FGF21: variants seen among roughly 807,000 people sequenced by gnomAD.
FGF21 encodes the protein fibroblast growth factor 21.
Under a neutral mutation model 13.4 loss-of-function variants are expected in FGF21, and 13 were observed. The observed-to-expected ratio is 0.97, with a 90% CI of 0.63 to 1.54. FGF21 has a LOEUF of 1.54. Among genes scored for constraint, FGF21 ranks in the 40% most tolerant of loss-of-function variants. The pLI is 0.00. For synonymous variants in FGF21, 124 were observed against 123.6 expected (o/e 1.00, Z -0.02); for missense variants, 303 against 272.4 (o/e 1.11, Z -0.79).
intron 2 of FGF21, among the ~76,000 whole-genome samples, 161 bp downstream of exon 2, chr19:48,756,632 G>T (rs1256035824): frequency 7.4e-6 from 1 of 135,398 alleles, no homozygotes; most frequent in Admixed American, 7.5e-5. Context: ...CTGGGGATCT[G>T]GGCCCCTGGG....
At position 48,756,417 on chromosome 19, in the gene FGF21, CT is replaced by C; in HGVS notation, c.182del (p.Leu61ArgfsTer23). On this transcript the variant is annotated frameshift_variant, in exon 2 of 4. Transcript: ENST00000593756. LOFTEE classifies it high-confidence loss of function. ...TDDAQQTEAH[L>X]EIREDGTVGG... ...TGATGCCCAGCAGACAGAAGCCCAC[CT>C]GGAGATCAGGGAGGATGGGACGGTG... 6.2e-7 allele frequency: 1 copy of C among 1,613,866 alleles called. No homozygotes were observed. The highest frequency in any genetic ancestry group is 1.3e-5 in the African/African-American group (1 of 75,046).
rs3745711 is a variant in FGF21 at position 48,757,016 on chromosome 19, C to T, written c.326C>T (p.Ala109Val). Residue 109 changes from alanine to valine, a missense_variant, in exon 3 of 4, where the codon GCC becomes GTC. Ala to Val is a moderately conservative substitution (Grantham distance 64). Transcript: ENST00000593756. ...SRFLCQRPDG[A>V]LYGSLHFDPE... The stretch of plus-strand genomic sequence containing the variant: ...TTCCTGTGCCAGCGGCCAGATGGGG[C>T]CCTGTATGGATCGGTGAGTTTCCAG... 75 of 1,613,570 alleles carry T rather than the reference C, an allele frequency of 4.6e-5. No individual in the cohort carries two copies. Among genetic ancestry groups the T allele is most frequent in the Non-Finnish European group, 5.9e-5 (70 of 1,179,630 alleles).
In FGF21 at chr19:48,758,143, C is replaced by T. The variant is rs750659131; in HGVS notation, c.553C>T (p.Pro185Ser). ...GCCACCCGGAATCCTGGCCCCCCAG[C>T]CCCCCGATGTGGGCTCCTCGGACCC... ...PEPPGILAPQ[P>S]PDVGSSDPLS... Residue 185 changes from proline (P) to serine (S), a missense_variant, in exon 4 of 4, where the codon CCC becomes TCC. Pro to Ser is a moderately conservative substitution (Grantham distance 74). Transcript: ENST00000593756. The T allele has an allele frequency of 1.2e-6, 2 of 1,611,272 alleles. No individual in the cohort carries two copies. Among genetic ancestry groups the T allele is most frequent in the East Asian group, 2.2e-5 (1 of 44,778 alleles).
chr19:48,757,921 G>C lies in FGF21; in HGVS notation c.340-9G>C. 1 of 1,530,704 alleles carries C rather than the reference G, an allele frequency of 6.5e-7. No homozygotes were observed. The highest frequency in any genetic ancestry group is 2.3e-5 in the East Asian group (1 of 43,210). The allele number at this position is 1,530,704 out of a possible 1,614,324, so 94.8% of individuals were successfully genotyped here. ...GAACCCTGTCTCTGATCCTGTTTTTGTCCCCTAGCTCCACTTTGACCCTGA... is the reference window on the plus strand; with the variant it reads ...GAACCCTGTCTCTGATCCTGTTTTTCTCCCCTAGCTCCACTTTGACCCTGA... On this transcript the variant is annotated splice_polypyrimidine_tract_variant and intron_variant, in intron 3 of 3. Transcript: ENST00000593756.
chr19:48,756,885 G>A (rs192567122), intron 2 of FGF21, 41 bp from the exon 3 acceptor site: 66 of 1,492,412 alleles, frequency 4.4e-5, no homozygotes, highest in Non-Finnish European at 6.0e-5. Flanking sequence ...AGTCCCGGGT[G>A]GGAGAGGTCC....
At chr19:48,756,764 G>A (rs888129075) in intron 2 of FGF21, among the ~76,000 whole-genome samples, 162 bp from the exon 3 acceptor site, 2 of 152,000 alleles carry the variant, frequency 1.3e-5, no homozygotes, top group African/African-American at 4.8e-5. Context: ...TGAGTTGGGA[G>A]GGGGCTTTGG....
rs1217723142 is a variant in FGF21 at position 48,756,242 on chromosome 19, C to T, written c.6C>T (p.Asp2=). 1.9e-6 allele frequency: 3 copies of T among 1,613,018 alleles called. No homozygotes were observed. The highest frequency in any genetic ancestry group is 1.7e-5 in the Admixed American group (1 of 59,982). M[D]SDETGFEHSG... is the part of the protein sequence containing the mutation. Reference sequence around the variant, plus strand: ...CCTGAGGACCCGAGCCATTGATGGACTCGGACGAGACCGGGTTCGAGCACT... The same window carrying T: ...CCTGAGGACCCGAGCCATTGATGGATTCGGACGAGACCGGGTTCGAGCACT... The change falls in exon 2 of 4, where the codon GAC becomes GAT. Residue 2 remains aspartate (D), a synonymous_variant. Transcript: ENST00000593756.
chr19:48,758,110 C>A lies in FGF21; in HGVS notation c.520C>A (p.Leu174Ile). Residue 174 changes from leucine to isoleucine, a missense_variant, in exon 4 of 4, where the codon CTC becomes ATC. Physicochemically the swap from Leu to Ile is conservative, Grantham distance 5. Transcript: ENST00000593756. ...FLPLPGLPPA[L>I]PEPPGILAPQ... ...GCCACTACCAGGCCTGCCCCCCGCACTCCCGGAGCCACCCGGAATCCTGGC... is the reference window on the plus strand; with the variant it reads ...GCCACTACCAGGCCTGCCCCCCGCAATCCCGGAGCCACCCGGAATCCTGGC... 1 of 1,610,882 alleles carries A rather than the reference C, an allele frequency of 6.2e-7. No homozygotes were observed. Among genetic ancestry groups the A allele is most frequent in the Non-Finnish European group, 8.5e-7 (1 of 1,179,008 alleles).
In FGF21 at chr19:48,758,174, G is replaced by C; in HGVS notation, c.584G>C (p.Ser195Thr). The C allele has an allele frequency of 6.2e-7, 1 of 1,612,586 alleles. No homozygotes were observed. The highest frequency in any genetic ancestry group is 8.5e-7 in the Non-Finnish European group (1 of 1,179,818). ...GATGTGGGCTCCTCGGACCCTCTGA[G>C]CATGGTGGGACCTTCCCAGGGCCGA... is the stretch of plus-strand genomic sequence containing the variant. Reference protein sequence around the residue: ...PPDVGSSDPLSMVGPSQGRSP... With the variant: ...PPDVGSSDPLTMVGPSQGRSP... The change falls in exon 4 of 4, where the codon AGC becomes ACC. Residue 195 changes from serine (S) to threonine (T), a missense_variant. Ser to Thr is a moderately conservative substitution (Grantham distance 58). Coordinates refer to ENST00000593756, the MANE Select transcript of FGF21 (RefSeq NM_019113.4).
chr19:48,756,663 G>A (rs1209086942), intron 2 of FGF21, among the ~76,000 whole-genome samples, 192 bp downstream of exon 2: 3 of 150,154 alleles, frequency 2.0e-5, no homozygotes, highest in Non-Finnish European at 3.0e-5. Context: ...GAGGGGCTGG[G>A]TCTGGACCCC....
In FGF21 at chr19:48,758,103, C is replaced by A; in HGVS notation, c.513C>A (p.Pro171=). Residue 171 remains proline, a synonymous_variant, in exon 4 of 4, where the codon CCC becomes CCA. Transcript: ENST00000593756. ...PARFLPLPGL[P]PALPEPPGIL... The stretch of plus-strand genomic sequence containing the variant: ...GCTTCCTGCCACTACCAGGCCTGCC[C>A]CCCGCACTCCCGGAGCCACCCGGAA... The A allele has an allele frequency of 6.2e-7, 1 of 1,611,504 alleles. No individual in the cohort carries two copies. The highest frequency in any genetic ancestry group is 2.2e-5 in the East Asian group (1 of 44,806).
rs928360610 is a variant in FGF21 at position 48,755,572 on chromosome 19, C to G, written c.-559C>G. The G allele has an allele frequency of 6.6e-6, 1 of 152,246 alleles. No homozygotes were observed. The highest frequency in any genetic ancestry group is 1.5e-5 in the Non-Finnish European group (1 of 68,096). The allele number at this position is 152,246 out of a possible 1,614,324, so 9.4% of individuals were successfully genotyped here. A position where few individuals can be genotyped will look rare whatever the true frequency, so the allele number is the denominator to read the frequency against. ...ACGGCCAGGTGAGAGGCTTCCAAGG[C>G]AGGATACTTGTGTCTCAGATGCGGT... On this transcript the variant is annotated 5_prime_UTR_variant, in exon 1 of 4. Coordinates refer to ENST00000593756, the MANE Select transcript of FGF21 (RefSeq NM_019113.4).
intron 3 of FGF21, among the ~76,000 whole-genome samples, chr19:48,757,612 G>GA: frequency 8.0e-6 from 1 of 125,412 alleles, no homozygotes; most frequent in Non-Finnish European, 1.8e-5. Flanking sequence ...TGGGGGCCTG[G>GA]ACCCCTGGGT....
At chr19:48,756,824 T>TC in intron 2 of FGF21, 102 bp from the exon 3 acceptor site, 1 of 938,336 alleles carries the variant, frequency 1.1e-6, no homozygotes, top group South Asian at 1.5e-5. Context: ...GGGCTTGGAC[T>TC]CCCAGGGCTG....
At chr19:48,756,795 G>A in intron 2 of FGF21, 131 bp from the exon 3 acceptor site, 2 of 771,864 alleles carry the variant, frequency 2.6e-6, no homozygotes, top group Non-Finnish European at 4.4e-6. Flanking sequence ...TCCTGGGTCT[G>A]AGGGAGGAGG....
At chr19:48,757,103 G>T in intron 3 of FGF21, 74 bp downstream of exon 3, 2 of 1,140,950 alleles carry the variant, frequency 1.8e-6, no homozygotes, top group Admixed American at 3.7e-5. Flanking sequence ...GGGGTGCCTT[G>T]TCTTGCTCAT....
At chr19:48,757,332 C>T (rs2122579030) in intron 3 of FGF21, among the ~76,000 whole-genome samples, 1 of 152,284 alleles carries the variant, frequency 6.6e-6, no homozygotes, top group South Asian at 2.1e-4. Context: ...CCCACACGGC[C>T]CCTGTGTGCA....
In FGF21 at chr19:48,756,452, T is replaced by G. The variant is rs143762785; in HGVS notation, c.216T>G (p.Ala72=). Residue 72 remains alanine (A), a synonymous_variant, in exon 2 of 4, where the codon GCT becomes GCG. Transcript: ENST00000593756. ...GGGAGGATGGGACGGTGGGGGGCGC[T>G]GCTGACCAGAGCCCCGAAAGTGAGT... ...EIREDGTVGG[A]ADQSPESLLQ... 1 of 1,612,950 alleles carries G rather than the reference T, an allele frequency of 6.2e-7. No individual in the cohort carries two copies. The highest frequency in any genetic ancestry group is 2.2e-5 in the East Asian group (1 of 44,872).
intron 3 of FGF21, 122 bp downstream of exon 3, chr19:48,757,151 C>T (rs1205878596): frequency 8.5e-6 from 6 of 706,780 alleles, no homozygotes; most frequent in East Asian, 5.2e-5. Context: ...TTGCTCTGCA[C>T]GCCCCCAGCT....
Sources: allele counts gnomAD v4.1 joint callset (sites outside exome capture counted in the v4.1 genomes callset), GRCh38; gene constraint gnomAD v4.1.1; transcripts MANE v1.5; gene names NCBI Gene and HGNC (gene_info 2026-07-23, HGNC 2026-07-21).